Variants in KANK1 observed in about 807,000 individuals in gnomAD.
The protein encoded by KANK1 is KN motif and ankyrin repeat domains 1, also known as KN motif and ankyrin repeat domain-containing protein 1.
A neutral mutation model predicts 106.2 loss-of-function variants in KANK1; 109 were observed. That is an observed-to-expected ratio of 1.03 (90% CI 0.88 to 1.20). The LOEUF is 1.20. Among genes scored for constraint, KANK1 ranks in the 50% most tolerant of loss-of-function variants. The probability of loss-of-function intolerance (pLI) is 0.00; values close to 1 mark genes in which losing one functional copy is unlikely to be tolerated. For missense variants in KANK1, 2,399 were observed against 1,710.7 expected (o/e 1.40, Z -7.10); for synonymous variants, 873 against 652.2 (o/e 1.34, Z -5.16).
intron 1 of KANK1, among the ~76,000 whole-genome samples, chr9:581,977 C>T (rs1475505795): frequency 1.3e-5 from 2 of 152,200 alleles, no homozygotes; most frequent in Non-Finnish European, 2.9e-5. Context: ...TATCTTCTCA[C>T]CTGCTTTTCT....
chr9:595,550 G>A (rs1826006144), intron 1 of KANK1, among the ~76,000 whole-genome samples: 1 of 151,784 alleles, frequency 6.6e-6, no homozygotes, highest in African/African-American at 2.4e-5. Flanking sequence ...GTTTGAGACA[G>A]TGTCTCACTC....
intron 1 of KANK1, among the ~76,000 whole-genome samples, chr9:605,936 A>G (rs1426342241): frequency 2.0e-5 from 3 of 151,678 alleles, no homozygotes; most frequent in Non-Finnish European, 2.9e-5. Context: ...CTGTGTTGTC[A>G]GGGGGCCCTG....
At chr9:583,447 G>C (rs1213254157) in intron 1 of KANK1, among the ~76,000 whole-genome samples, 1 of 152,070 alleles carries the variant, frequency 6.6e-6, no homozygotes, top group Non-Finnish European at 1.5e-5. Flanking sequence ...CTTCAAAATA[G>C]ATTAGTGAAG....
At chr9:710,709 C>A in intron 2 of KANK1, 95 bp from the exon 3 acceptor site, 1 of 1,086,704 alleles carries the variant, frequency 9.2e-7, no homozygotes, top group Non-Finnish European at 1.3e-6. Context: ...CTCTTAAAAT[C>A]ATACCAGCTT....
rs936158253 is a variant in KANK1, at chr9:594,950, ACTTTGTCAT to A, written c.-83-81935_-83-81927del. On this transcript the variant is annotated intron_variant, in intron 1 of 11. Transcript: ENST00000382297. The stretch of plus-strand genomic sequence containing the variant: ...AGGAATTAAACAAAGATATGTAGAT[ACTTTGTCAT>A]CTTTTCTTATTATAGAAACAGTTTG... 2.9e-4 allele frequency among the ~76,000 whole-genome samples: 44 copies of A among 151,976 alleles called. 1 individual carries two copies. Among genetic ancestry groups the A allele is most frequent in the African/African-American group, 9.9e-4 (41 of 41,274 alleles).
chr9:669,259 G>C (rs10815451), intron 1 of KANK1, among the ~76,000 whole-genome samples: 60,060 of 151,924 alleles, frequency 0.4, 12,838 homozygotes, highest in East Asian at 0.65. Context: ...ATGACAATTA[G>C]AGTATTTGAA....
chr9:663,568 T>G (rs759618907), intron 1 of KANK1, among the ~76,000 whole-genome samples: 4 of 152,246 alleles, frequency 2.6e-5, no homozygotes, highest in Non-Finnish European at 4.4e-5. Flanking sequence ...GATGCTCTTC[T>G]TTAGACTATC....
chr9:623,534 G>C (rs886319678), intron 1 of KANK1, among the ~76,000 whole-genome samples: 9 of 151,786 alleles, frequency 5.9e-5, no homozygotes, highest in African/African-American at 2.2e-4. Context: ...AACCCGAAGA[G>C]GTCGAGACTG....
intron 1 of KANK1, among the ~76,000 whole-genome samples, chr9:668,978 G>A (rs775946950): frequency 2.6e-5 from 4 of 152,094 alleles, no homozygotes; most frequent in African/African-American, 4.8e-5. Flanking sequence ...TGTGTGACCT[G>A]GTTCCTAACA....
At chr9:515,346 A>G (rs1043451187) in intron 1 of KANK1, among the ~76,000 whole-genome samples, 4 of 148,018 alleles carry the variant, frequency 2.7e-5, no homozygotes, top group Non-Finnish European at 6.0e-5. Flanking sequence ...CTCCTTCTCA[A>G]AAAAAAAAAA....
chr9:506,338 A>G (rs1046299759), intron 1 of KANK1, among the ~76,000 whole-genome samples: 2 of 152,194 alleles, frequency 1.3e-5, no homozygotes, highest in Admixed American at 6.5e-5. Context: ...TGGCTGTCCT[A>G]TGGGGAGGTT....
At chr9:621,690 G>C (rs1386218176) in intron 1 of KANK1, among the ~76,000 whole-genome samples, 1 of 151,858 alleles carries the variant, frequency 6.6e-6, no homozygotes, top group African/African-American at 2.4e-5. Context: ...TTCGCTCTCA[G>C]CAAGAGCATG....
intron 1 of KANK1, among the ~76,000 whole-genome samples, chr9:588,637 C>T (rs1435036540): frequency 6.6e-6 from 1 of 151,990 alleles, no homozygotes; most frequent in East Asian, 1.9e-4. Flanking sequence ...TTTTTAAGTC[C>T]ATATTATCTC....
chr9:708,237 G>C (rs1009285260), intron 2 of KANK1, among the ~76,000 whole-genome samples: 21 of 141,498 alleles, frequency 1.5e-4, no homozygotes, highest in African/African-American at 5.1e-4. Flanking sequence ...AGACAGGTCT[G>C]GCTGCTGCAG....
At chr9:471,278 G>A (rs968545338) in intron 2 of KANK1, among the ~76,000 whole-genome samples, 2 of 152,188 alleles carry the variant, frequency 1.3e-5, no homozygotes, top group Non-Finnish European at 2.9e-5. Flanking sequence ...AAGGGACCGA[G>A]GAGGGGCACT....
At chr9:636,392 A>G (rs923568070) in intron 1 of KANK1, among the ~76,000 whole-genome samples, 33 of 152,188 alleles carry the variant, frequency 2.2e-4, no homozygotes, top group African/African-American at 7.0e-4. Context: ...TTTGATGGCT[A>G]AATATCCACC....
At chr9:691,006 A>G (rs949927664) in intron 2 of KANK1, among the ~76,000 whole-genome samples, 1 of 152,200 alleles carries the variant, frequency 6.6e-6, no homozygotes, top group Non-Finnish European at 1.5e-5. Context: ...TTGAAAGAGT[A>G]AAGGCAGATA....
At chr9:632,746 G>A (rs1298816220) in intron 1 of KANK1, among the ~76,000 whole-genome samples, 1 of 152,144 alleles carries the variant, frequency 6.6e-6, no homozygotes, top group East Asian at 1.9e-4. Context: ...CTGTAGTGCA[G>A]TGGTGAGATC....
At chr9:722,833 A>G (rs117357021) in intron 3 of KANK1, among the ~76,000 whole-genome samples, 1 of 152,178 alleles carries the variant, frequency 6.6e-6, no homozygotes, top group Non-Finnish European at 1.5e-5. Context: ...GCACTGTTCT[A>G]AGCACTGGAC....
Sources: allele counts gnomAD v4.1 joint callset (sites outside exome capture counted in the v4.1 genomes callset), GRCh38; gene constraint gnomAD v4.1.1; transcripts MANE v1.5; gene names NCBI Gene and HGNC (gene_info 2026-07-23, HGNC 2026-07-21).